The following MYO18B variants were observed in gnomAD, a reference collection of about 807,000 sequenced individuals.
The protein encoded by MYO18B is unconventional myosin-XVIIIb.
In MYO18B, 204 loss-of-function variants were observed where a neutral mutation model predicts 273.0. The observed-to-expected ratio is 0.75, with a 90% CI of 0.67 to 0.84. The LOEUF (loss-of-function observed/expected upper bound fraction) is 0.84. Ranked by LOEUF, MYO18B falls within the 40% of genes least tolerant of loss-of-function variation. The pLI, the probability that MYO18B is intolerant of heterozygous loss-of-function variation, is 0.00. For missense variants in MYO18B, 3,212 were observed against 3,287.6 expected (o/e 0.98, Z 0.56); for synonymous variants, 1,330 against 1,305.7 (o/e 1.02, Z -0.40).
At chr22:25,857,853 A>G (rs1247013696) in intron 21 of MYO18B, among the ~76,000 whole-genome samples, 2 of 152,194 alleles carry the variant, frequency 1.3e-5, no homozygotes, top group African/African-American at 4.8e-5. Context: ...TGGTTTCGCC[A>G]TGTTGGCCAG....
In MYO18B at chr22:25,955,320, C is replaced by G. The variant is rs747384758; in HGVS notation, c.6112C>G (p.Leu2038Val). Residue 2038 changes from leucine (L) to valine (V), a missense_variant, in exon 39 of 44, where the codon CTG becomes GTG. Coordinates refer to ENST00000335473, the MANE Select transcript of MYO18B (RefSeq NM_032608.7). Reference sequence around the variant, plus strand: ...AGAGCTGAAGGCCGACATGGAAGAGCTGGTGCAGCGGGAGGCAGAGGCCAG... The same window carrying G: ...AGAGCTGAAGGCCGACATGGAAGAGGTGGTGCAGCGGGAGGCAGAGGCCAG... ...LEELKADMEE[L>V]VQREAEASRR... is the part of the protein sequence containing the mutation. 6.2e-7 allele frequency: 1 copy of G among 1,613,716 alleles called. No homozygotes were observed. Among genetic ancestry groups the G allele is most frequent in the Non-Finnish European group, 8.5e-7 (1 of 1,179,776 alleles).
intron 28 of MYO18B, chr22:25,897,709 G>A (rs2091840290): frequency 6.6e-6 from 1 of 152,224 alleles, no homozygotes; most frequent in Admixed American, 6.5e-5. Flanking sequence ...TTCAAAGCCA[G>A]TGTGCTGAGT....
At chr22:25,745,406 T>A (rs1038124443) in intron 1 of MYO18B, among the ~76,000 whole-genome samples, 1 of 151,916 alleles carries the variant, frequency 6.6e-6, no homozygotes, top group Non-Finnish European at 1.5e-5. Context: ...CCACTGCGCC[T>A]GGCAGAAAAT....
chr22:25,837,012 G>T (rs1461458028), intron 17 of MYO18B, among the ~76,000 whole-genome samples: 7 of 137,540 alleles, frequency 5.1e-5, no homozygotes, highest in Non-Finnish European at 7.9e-5. Flanking sequence ...ATAATAATAA[G>T]GCAAATGCAC....
the MYO18B span, among the ~76,000 whole-genome samples, chr22:26,049,603 A>G: frequency 6.6e-6 from 1 of 152,242 alleles, no homozygotes; most frequent in African/African-American, 2.4e-5. Flanking sequence ...AAGGTTTCAT[A>G]AGTACAGAAG....
In MYO18B at chr22:25,800,133, A is replaced by G. The variant is rs138855354; in HGVS notation, c.2521+2036A>G. 5.3e-5 allele frequency among the ~76,000 whole-genome samples: 8 copies of G among 152,280 alleles called. No individual in the cohort carries two copies. In the East Asian group the frequency reaches 1.4e-3, roughly 26 times the overall value. On this transcript the variant is annotated intron_variant, in intron 12 of 43. Transcript: ENST00000335473. ...CTCACTTACAAGTGGGAGCTAAGCT[A>G]TGAGGATGCAAAGGCATAAGAATGA...
downstream of MYO18B, among the ~76,000 whole-genome samples, chr22:26,034,502 G>C (rs570987970): frequency 5.8e-4 from 88 of 152,368 alleles, no homozygotes; most frequent in African/African-American, 2.0e-3. Flanking sequence ...TTGATTGGCA[G>C]ATAGCCTGCA....
In MYO18B at chr22:25,946,212, C is replaced by A; in HGVS notation, c.5593C>A (p.His1865Asn). 1 of 1,582,524 alleles carries A rather than the reference C, an allele frequency of 6.3e-7. No homozygotes were observed. The highest frequency in any genetic ancestry group is 2.3e-5 in the East Asian group (1 of 42,970). The change falls in exon 35 of 44, where the codon CAC becomes AAC. Residue 1865 changes from histidine to asparagine, a missense_variant. Physicochemically the swap from His to Asn is moderately conservative, Grantham distance 68. Transcript: ENST00000335473. The stretch of plus-strand genomic sequence containing the variant: ...GCTCACAGCGGACCTGGAGAGCATG[C>A]ACAGCGAGCTGGAGAACATGACGCG... Reference protein sequence around the residue: ...KVLTADLESMHSELENMTRNK... With the variant: ...KVLTADLESMNSELENMTRNK...
chr22:25,941,534 C>T (rs1384154180), intron 34 of MYO18B, among the ~76,000 whole-genome samples: 1 of 152,228 alleles, frequency 6.6e-6, no homozygotes, highest in Non-Finnish European at 1.5e-5. Context: ...CTTAACATGA[C>T]TTGCCACCGA....
chr22:25,970,606 C>T (rs2093027080), intron 39 of MYO18B, among the ~76,000 whole-genome samples: 1 of 152,172 alleles, frequency 6.6e-6, no homozygotes, highest in Non-Finnish European at 1.5e-5. Flanking sequence ...ATTCTCATCT[C>T]CCCCTCTCAA....
intron 16 of MYO18B, among the ~76,000 whole-genome samples, chr22:25,834,963 C>A (rs182164901): frequency 1.3e-5 from 2 of 152,276 alleles, no homozygotes; most frequent in Non-Finnish European, 2.9e-5. Context: ...AGAGGGTTCC[C>A]CTTGTTAAAT....
At chr22:25,871,932 A>G (rs2091058213) in intron 22 of MYO18B, among the ~76,000 whole-genome samples, 1 of 152,236 alleles carries the variant, frequency 6.6e-6, no homozygotes, top group Non-Finnish European at 1.5e-5. Flanking sequence ...AGCACCCGCC[A>G]TCTATTGTAA....
chr22:25,790,093 C>T (rs2087591976), intron 11 of MYO18B, among the ~76,000 whole-genome samples: 1 of 152,174 alleles, frequency 6.6e-6, no homozygotes, highest in African/African-American at 2.4e-5. Flanking sequence ...GCGGAGGTTG[C>T]AGTGAGCCGA....
At chr22:25,772,188 C>T (rs1191220006) in intron 6 of MYO18B, 146 bp from the exon 7 acceptor site, 1 of 701,840 alleles carries the variant, frequency 1.4e-6, no homozygotes, top group Non-Finnish European at 2.3e-6. Flanking sequence ...TGCTTTCCAT[C>T]CAGAGTCCCT....
At chr22:25,986,902 T>TTA (rs1232660596) in intron 39 of MYO18B, among the ~76,000 whole-genome samples, 2 of 152,214 alleles carry the variant, frequency 1.3e-5, no homozygotes, top group Non-Finnish European at 2.9e-5. Context: ...ATATACATGT[T>TTA]TATATATATT....
intron 38 of MYO18B, among the ~76,000 whole-genome samples, chr22:25,954,678 G>A (rs547471283): frequency 6.6e-5 from 10 of 151,980 alleles, no homozygotes; most frequent in Admixed American, 1.3e-4. Context: ...TCATAAATAC[G>A]CTACACTGCC....
At chr22:25,763,849 T>C (rs2086413197) in intron 3 of MYO18B, among the ~76,000 whole-genome samples, 1 of 152,236 alleles carries the variant, frequency 6.6e-6, no homozygotes, top group African/African-American at 2.4e-5. Flanking sequence ...TTGAACACTA[T>C]TTTTATAGAA....
At chr22:25,821,704 G>T (rs5761255) in intron 12 of MYO18B, among the ~76,000 whole-genome samples, 9,346 of 152,242 alleles carry the variant, frequency 0.061, 647 homozygotes, top group East Asian at 0.21. Context: ...GTGAACCCAG[G>T]AGGCGGAGCT....
the MYO18B span, among the ~76,000 whole-genome samples, chr22:26,039,603 G>T: frequency 2.0e-4 from 28 of 141,604 alleles, no homozygotes; most frequent in Non-Finnish European, 1.5e-4. Flanking sequence ...CTGTTTTTAG[G>T]TTTTTTTGTT....
Sources: gnomAD v4.1 joint callset for allele counts (sites outside exome capture counted in the v4.1 genomes callset) on GRCh38, gnomAD v4.1.1 for gene constraint, MANE v1.5 for transcripts, NCBI Gene and HGNC (gene_info 2026-07-23, HGNC 2026-07-21) for gene names.